Variants in RALYL observed in about 807,000 individuals in gnomAD.
RALYL encodes RNA-binding Raly-like protein.
Under a neutral mutation model 35.1 loss-of-function variants are expected in RALYL, and 29 were observed. The observed-to-expected ratio is 0.83, with a 90% CI of 0.61 to 1.13. The LOEUF (loss-of-function observed/expected upper bound fraction) is 1.13. Among genes scored for constraint, RALYL ranks in the 50% most tolerant of loss-of-function variants. The pLI is 0.00. For synonymous variants in RALYL, 120 were observed against 127.6 expected (o/e 0.94, Z 0.40); for missense variants, 359 against 360.4 (o/e 1.00, Z 0.03).
intron 3 of RALYL, among the ~76,000 whole-genome samples, chr8:84,779,424 C>T (rs1205969195): frequency 1.3e-5 from 2 of 152,168 alleles, no homozygotes; most frequent in Admixed American, 1.3e-4. Flanking sequence ...CTCCCTTCTA[C>T]TTGCAGGGAA....
At chr8:84,873,456 C>A in intron 7 of RALYL, 59 bp downstream of exon 7, 1 of 1,041,020 alleles carries the variant, frequency 9.6e-7, no homozygotes, top group Non-Finnish European at 1.5e-6. Context: ...TTGTCAATCA[C>A]AGAAGCAGTA....
In RALYL at chr8:84,642,358, T is replaced by A. The variant is rs541206412; in HGVS notation, c.256+112781T>A. 2.3e-4 allele frequency among the ~76,000 whole-genome samples: 35 copies of A among 150,186 alleles called. No individual in the cohort carries two copies. The South Asian group carries it at 7.3e-3, about 31-fold the overall frequency. On this transcript the variant is annotated intron_variant, in intron 2 of 8. Transcript: ENST00000521268. ...GCAGCCTCTATGGCAATTTGTGGGG[T>A]TTTTTTAAACTTGAGAAAAAAAACT... is the stretch of plus-strand genomic sequence containing the variant.
chr8:84,510,827 T>A (rs984021443), intron 1 of RALYL, among the ~76,000 whole-genome samples: 3 of 151,756 alleles, frequency 2.0e-5, no homozygotes, highest in African/African-American at 7.3e-5. Flanking sequence ...AAAACCATAA[T>A]TGTATAAATT....
intron 1 of RALYL, among the ~76,000 whole-genome samples, chr8:84,214,873 A>G (rs1820396117): frequency 1.3e-5 from 2 of 151,768 alleles, no homozygotes; most frequent in South Asian, 2.1e-4. Flanking sequence ...TCATTTTTCT[A>G]GTAATTAACT....
At chr8:84,248,833 C>T (rs916519956) in intron 1 of RALYL, among the ~76,000 whole-genome samples, 4 of 151,970 alleles carry the variant, frequency 2.6e-5, no homozygotes, top group African/African-American at 9.7e-5. Context: ...TTACATTTTC[C>T]TTTTGAGTTA....
intron 1 of RALYL, among the ~76,000 whole-genome samples, chr8:84,293,109 C>T (rs1032716235): frequency 6.6e-6 from 1 of 151,950 alleles, no homozygotes; most frequent in Non-Finnish European, 1.5e-5. Context: ...ACGTGGATGG[C>T]AGAAATGAAA....
intron 1 of RALYL, among the ~76,000 whole-genome samples, chr8:84,522,782 T>C (rs1396940887): frequency 1.3e-5 from 2 of 152,206 alleles, no homozygotes; most frequent in African/African-American, 4.8e-5. Context: ...TTAGTCATTT[T>C]TGCCTCCCTT....
intron 2 of RALYL, among the ~76,000 whole-genome samples, chr8:84,770,288 A>G (rs1176679219): frequency 6.6e-6 from 1 of 152,090 alleles, no homozygotes; most frequent in Non-Finnish European, 1.5e-5. Flanking sequence ...GAGTGAGAAC[A>G]CACGATGTTT....
At chr8:84,529,190 G>T (rs927182615) in intron 1 of RALYL, 109 bp from the exon 2 acceptor site, 1 of 1,102,214 alleles carries the variant, frequency 9.1e-7, no homozygotes, top group Admixed American at 2.7e-5. Flanking sequence ...AGGGATTGGA[G>T]GTTTCCTGAG....
chr8:84,488,018 T>C (rs2054838107), intron 1 of RALYL, among the ~76,000 whole-genome samples: 1 of 152,082 alleles, frequency 6.6e-6, no homozygotes, highest in African/African-American at 2.4e-5. Flanking sequence ...TTTTCATTAA[T>C]ATTGGAACCA....
Position 84,316,189 on chromosome 8 carries a change from C to T in RALYL, c.-24+131765C>T, listed in dbSNP as rs138391378. On this transcript the variant is annotated intron_variant, in intron 1 of 8. Transcript: ENST00000521268. Reference sequence around the variant, plus strand: ...TAACAACTATAACTTTGTTTGCTAACGATTTACTCTTTAGCATCTCTACCC... The same window carrying T: ...TAACAACTATAACTTTGTTTGCTAATGATTTACTCTTTAGCATCTCTACCC... Among the ~76,000 whole-genome samples, 1,181 of 152,186 alleles carry T rather than the reference C, an allele frequency of 7.8e-3. 20 individuals are homozygous for T. The highest frequency in any genetic ancestry group is 0.027 in the African/African-American group (1,135 of 41,540).
intron 2 of RALYL, among the ~76,000 whole-genome samples, chr8:84,559,048 A>G (rs2135552741): frequency 6.6e-6 from 1 of 152,210 alleles, no homozygotes; most frequent in South Asian, 2.1e-4. Context: ...ATATTCTTTA[A>G]CAGAGACCCA....
At chr8:84,389,403 T>C (rs1482572319) in intron 1 of RALYL, among the ~76,000 whole-genome samples, 3 of 151,506 alleles carry the variant, frequency 2.0e-5, no homozygotes, top group African/African-American at 4.9e-5. Flanking sequence ...GCTTGATGGA[T>C]ATGGCATTAA....
intron 1 of RALYL, among the ~76,000 whole-genome samples, chr8:84,269,803 GA>G (rs1396426078): frequency 6.6e-6 from 1 of 151,526 alleles, no homozygotes; most frequent in Non-Finnish European, 1.5e-5. Context: ...TGGATCATAG[GA>G]AAAAAATCCA....
At chr8:84,578,446 T>C (rs1581689) in intron 2 of RALYL, among the ~76,000 whole-genome samples, 3 of 152,324 alleles carry the variant, frequency 2.0e-5, no homozygotes, top group East Asian at 3.9e-4. Context: ...AGGGGTGATG[T>C]TTCAGCCCTG....
chr8:84,369,250 T>C (rs1855185903), intron 1 of RALYL, among the ~76,000 whole-genome samples: 2 of 152,134 alleles, frequency 1.3e-5, no homozygotes, highest in South Asian at 4.1e-4. Flanking sequence ...ATCCAATAAA[T>C]TCTTGACAAG....
chr8:84,341,549 C>T (rs1378471150), intron 1 of RALYL, among the ~76,000 whole-genome samples: 1 of 151,960 alleles, frequency 6.6e-6, no homozygotes, highest in Non-Finnish European at 1.5e-5. Context: ...TATATATCTA[C>T]AATTCTGTTA....
chr8:84,427,904 G>T (rs1222595229), intron 1 of RALYL, among the ~76,000 whole-genome samples: 1 of 152,062 alleles, frequency 6.6e-6, no homozygotes, highest in Non-Finnish European at 1.5e-5. Flanking sequence ...TTCATCTTCT[G>T]TATCTGCCAC....
intron 2 of RALYL, among the ~76,000 whole-genome samples, chr8:84,663,478 G>A (rs1831309997): frequency 6.6e-6 from 1 of 152,100 alleles, no homozygotes; most frequent in Admixed American, 6.6e-5. Context: ...AACCTCACCA[G>A]CATCTGTTGC....
Sources: allele counts gnomAD v4.1 joint callset (sites outside exome capture counted in the v4.1 genomes callset), GRCh38; gene constraint gnomAD v4.1.1; transcripts MANE v1.5; gene names NCBI Gene and HGNC (gene_info 2026-07-23, HGNC 2026-07-21).